Variants in SPECC1 observed in about 807,000 individuals in gnomAD.
The protein encoded by SPECC1 is sperm antigen with calponin homology and coiled-coil domains 1, also known as cytospin-B.
A neutral mutation model predicts 104.1 loss-of-function variants in SPECC1; 62 were observed. The ratio of observed to expected loss-of-function variants is 0.60; its 90% CI spans 0.49 to 0.74. The LOEUF is 0.74. Among genes scored for constraint, SPECC1 ranks in the 30% least tolerant of loss-of-function variants. The pLI, the probability that SPECC1 is intolerant of heterozygous loss-of-function variation, is 0.00. For synonymous variants in SPECC1, 513 were observed against 501.6 expected, an observed-to-expected ratio of 1.02 and a Z score of -0.30; for missense variants, 1,306 against 1,310.5, an observed-to-expected ratio of 1.00 and a Z score of 0.05.
At chr17:20,202,356 TGTG>T (rs2036488849) in intron 3 of SPECC1, among the ~76,000 whole-genome samples, 1 of 152,096 alleles carries the variant, frequency 6.6e-6, no homozygotes, top group Non-Finnish European at 1.5e-5. Context: ...TATGTTTTGT[TGTG>T]TTTAGTGCAG....
At chr17:20,245,457 T>G (rs958111573) in intron 7 of SPECC1, among the ~76,000 whole-genome samples, 2 of 152,082 alleles carry the variant, frequency 1.3e-5, no homozygotes, top group African/African-American at 4.8e-5. Flanking sequence ...TGGTGGAACT[T>G]AAATCACACC....
chr17:20,166,752 A>C (rs1183440830), intron 3 of SPECC1, among the ~76,000 whole-genome samples: 1 of 152,196 alleles, frequency 6.6e-6, no homozygotes, highest in East Asian at 1.9e-4. Flanking sequence ...CTCAGTACCT[A>C]GCCCAGCCTT....
chr17:20,243,812 T>G (rs529435098), intron 7 of SPECC1, among the ~76,000 whole-genome samples: 117 of 152,330 alleles, frequency 7.7e-4, no homozygotes, highest in African/African-American at 2.8e-3. Context: ...CTCAGCAGAA[T>G]GTAGGCGTCT....
chr17:20,161,624 G>A (rs1325859444), intron 3 of SPECC1, among the ~76,000 whole-genome samples: 1 of 152,152 alleles, frequency 6.6e-6, no homozygotes, highest in Non-Finnish European at 1.5e-5. Context: ...GAAGGAGTAA[G>A]GAGAATGGAA....
At chr17:20,028,919 C>G (rs1461922672) in intron 1 of SPECC1, among the ~76,000 whole-genome samples, 1 of 152,258 alleles carries the variant, frequency 6.6e-6, no homozygotes, top group South Asian at 2.1e-4. Context: ...TGTGCCACCA[C>G]GCCTGACTAA....
At chr17:20,146,654 C>T (rs2031489984) in intron 3 of SPECC1, among the ~76,000 whole-genome samples, 1 of 152,154 alleles carries the variant, frequency 6.6e-6, no homozygotes, top group Non-Finnish European at 1.5e-5. Flanking sequence ...CGCCTGTAAT[C>T]CTGGAACTTT....
At chr17:20,186,678 C>T (rs545978124) in intron 3 of SPECC1, among the ~76,000 whole-genome samples, 3 of 152,318 alleles carry the variant, frequency 2.0e-5, no homozygotes, top group African/African-American at 7.2e-5. Context: ...ATCCTCCCAC[C>T]TCAGCCTCTC....
At chr17:20,098,573 C>T (rs2047765157) in intron 2 of SPECC1, among the ~76,000 whole-genome samples, 1 of 152,206 alleles carries the variant, frequency 6.6e-6, no homozygotes, top group African/African-American at 2.4e-5. Flanking sequence ...GGTGTGGTCT[C>T]GCTCCTCTGT....
chr17:20,170,288 A>C (rs190124979), intron 3 of SPECC1, among the ~76,000 whole-genome samples: 1 of 152,306 alleles, frequency 6.6e-6, no homozygotes, highest in East Asian at 1.9e-4. Flanking sequence ...CCTTAGCAAA[A>C]TGTATGGTTT....
chr17:20,154,035 G>A (rs759719241), intron 3 of SPECC1, among the ~76,000 whole-genome samples: 7 of 152,198 alleles, frequency 4.6e-5, no homozygotes, highest in Admixed American at 2.6e-4. Context: ...TCTTTGACAC[G>A]CTAGTTTTGT....
chr17:20,023,627 G>A (rs191052020), intron 1 of SPECC1, among the ~76,000 whole-genome samples: 35 of 152,280 alleles, frequency 2.3e-4, no homozygotes, highest in African/African-American at 6.7e-4. Context: ...AGGTCCTTTT[G>A]AACTTCATCT....
At chr17:20,025,421 A>G (rs1255521986) in intron 1 of SPECC1, among the ~76,000 whole-genome samples, 2 of 152,150 alleles carry the variant, frequency 1.3e-5, no homozygotes, top group Non-Finnish European at 2.9e-5. Flanking sequence ...TTCTGTCTCT[A>G]TAGATTTCCC....
intron 3 of SPECC1, among the ~76,000 whole-genome samples, chr17:20,148,627 T>C (rs150026720): frequency 5.9e-4 from 89 of 151,910 alleles, no homozygotes; most frequent in African/African-American, 2.0e-3. Flanking sequence ...CCACTCTCAA[T>C]CAGTGCCTTG....
intron 13 of SPECC1, among the ~76,000 whole-genome samples, chr17:20,304,025 A>G (rs1030082893): frequency 6.7e-6 from 1 of 149,282 alleles, no homozygotes; most frequent in Non-Finnish European, 1.5e-5. Context: ...TAATCCCAGC[A>G]CTTTGGGAGG....
chr17:20,305,824 G>A, intron 13 of SPECC1, 199 bp from the exon 14 acceptor site: 1 of 471,764 alleles, frequency 2.1e-6, no homozygotes, highest in Non-Finnish European at 3.7e-6. Flanking sequence ...GTGTCAATCA[G>A]TAATGTTAGT....
At position 20,009,397 on chromosome 17, in the gene SPECC1, T is replaced by C. The variant is rs8067545; in HGVS notation, c.-49T>C. On this transcript the variant is annotated 5_prime_UTR_variant, in exon 1 of 15. Transcript: ENST00000395527. This position sits in a 1 kb window ranked among gnomAD's most constrained non-coding sequence, Gnocchi z 5.2. ...CGCCCGGAGCCGTGGCCGCTGGGGGTTGCGGCGGCGCTGAGCCAGCGGGGC... is the reference window on the plus strand; with the variant it reads ...CGCCCGGAGCCGTGGCCGCTGGGGGCTGCGGCGGCGCTGAGCCAGCGGGGC... 75,743 of 151,928 alleles carry C rather than the reference T, an allele frequency of 0.5. 19,317 individuals carry two copies. The highest frequency in any genetic ancestry group is 0.55 in the Middle Eastern group (162 of 292). 9.4% of individuals were successfully genotyped at this position (151,928 alleles called of 1,614,324 possible).
At chr17:20,125,099 G>A (rs1010446871) in intron 3 of SPECC1, among the ~76,000 whole-genome samples, 13 of 152,166 alleles carry the variant, frequency 8.5e-5, no homozygotes, top group African/African-American at 3.1e-4. Flanking sequence ...AGAATGGCGT[G>A]AACCCGGGAG....
chr17:20,024,520 C>G lies in SPECC1; in HGVS notation c.-22+15096C>G, dbSNP rs76014366. On this transcript the variant is annotated intron_variant, in intron 1 of 14. Transcript: ENST00000395527. ...GTACTCAGGGTTTTTTCTCTTTATC[C>G]TCTGATTCATTTTCTACCCTTCCAT... Among the ~76,000 whole-genome samples, 45 of 152,220 alleles carry G rather than the reference C, an allele frequency of 3.0e-4. No homozygotes were observed. In the East Asian group the frequency reaches 6.9e-3, roughly 23 times the overall value.
At chr17:20,271,089 A>C (rs1015267517) in intron 12 of SPECC1, among the ~76,000 whole-genome samples, 1 of 151,214 alleles carries the variant, frequency 6.6e-6, no homozygotes, top group Non-Finnish European at 1.5e-5. Flanking sequence ...TTTGGTTTTT[A>C]TTTTTATCAA....
Sources: allele counts gnomAD v4.1 joint callset (sites outside exome capture counted in the v4.1 genomes callset), GRCh38; gene constraint gnomAD v4.1.1; non-coding constraint Gnocchi (gnomAD v3.1); transcripts MANE v1.5; gene names NCBI Gene and HGNC (gene_info 2026-07-23, HGNC 2026-07-21).